PLA2R1: variants seen among roughly 807,000 people sequenced by gnomAD.
PLA2R1 encodes secretory phospholipase A2 receptor.
PLA2R1 carries 158 observed loss-of-function variants against 195.9 expected under a neutral mutation model. The ratio of observed to expected loss-of-function variants is 0.81; its 90% CI spans 0.71 to 0.92. PLA2R1 has a LOEUF of 0.92. PLA2R1 is among the 40% of genes least tolerant of loss of function. The probability of loss-of-function intolerance (pLI) is 0.00; values close to 1 mark genes in which losing one functional copy is unlikely to be tolerated. For synonymous variants in PLA2R1, 586 were observed against 598.2 expected (o/e 0.98, Z 0.30); for missense variants, 1,626 against 1,764.6 (o/e 0.92, Z 1.41).
At chr2:159,929,313 A>C (rs553213459), downstream of PLA2R1, among the ~76,000 whole-genome samples, 3 of 152,318 alleles carry the variant, frequency 2.0e-5, no homozygotes, top group Admixed American at 2.0e-4. Context: ...CAAGGAAAAA[A>C]CAATCCCACC....
At position 159,956,524 on chromosome 2, in the gene PLA2R1, C is replaced by T. The variant is rs545050830; in HGVS notation, c.3008G>A (p.Ser1003Asn). Residue 1003 changes from serine to asparagine, a missense_variant, in exon 21 of 30, where the codon AGT (serine) becomes AAT (asparagine). Ser to Asn is a conservative substitution (Grantham distance 46). Transcript: ENST00000283243. ...EEGGTLVAIE[S>N]EVEQAFITMN... ...GAGTACTCTACCTTGCTCCACCTCA[C>T]TTTCAATGGCGACCAGGGTCCCCCC... 3.0e-5 allele frequency: 49 copies of T among 1,606,980 alleles called. No homozygotes were observed. The Admixed American group carries it at 5.8e-4, about 19-fold the overall frequency.
chr2:160,022,711 T>A lies in PLA2R1; in HGVS notation c.1248A>T (p.Ile416=). The A allele has an allele frequency of 6.2e-7, 1 of 1,612,998 alleles. No homozygotes were observed. The highest frequency in any genetic ancestry group is 8.5e-7 in the Non-Finnish European group (1 of 1,179,434). ...CQADNSALID[I]TSLAEVEFLV... ...GAAACTCCACCTCTGCTAATGAGGT[T>A]ATGTCTATTAATGCACTGTTATCAG... The change falls in exon 7 of 30, where the codon ATA becomes ATT. Residue 416 remains isoleucine (I), a synonymous_variant. Coordinates refer to ENST00000283243, the MANE Select transcript of PLA2R1 (RefSeq NM_007366.5).
At chr2:159,955,136 C>A in intron 23 of PLA2R1, 63 bp downstream of exon 23, 1 of 1,319,276 alleles carries the variant, frequency 7.6e-7, no homozygotes, top group South Asian at 1.3e-5. Flanking sequence ...CTGTGTAAAA[C>A]CAACATGAAA....
chr2:159,925,956 C>G, the PLA2R1 span, among the ~76,000 whole-genome samples: 1 of 152,048 alleles, frequency 6.6e-6, no homozygotes, highest in Non-Finnish European at 1.5e-5. Context: ...TTTGATGTGA[C>G]CTTTTTGGTG....
At chr2:160,029,673 T>C (rs1693739564) in intron 4 of PLA2R1, among the ~76,000 whole-genome samples, 1 of 152,158 alleles carries the variant, frequency 6.6e-6, no homozygotes, top group Non-Finnish European at 1.5e-5. Context: ...AATTAAAGAA[T>C]TATGGGAATT....
intron 6 of PLA2R1, among the ~76,000 whole-genome samples, chr2:160,027,816 A>G (rs1693617696): frequency 6.6e-6 from 1 of 152,212 alleles, no homozygotes; most frequent in South Asian, 2.1e-4. Context: ...TAAGAGATTC[A>G]GAGTGTGGCA....
chr2:160,037,934 G>T (rs1232398055), intron 3 of PLA2R1, among the ~76,000 whole-genome samples: 1 of 152,166 alleles, frequency 6.6e-6, no homozygotes, highest in African/African-American at 2.4e-5. Flanking sequence ...ATCAGGGCAG[G>T]CACTATGACT....
At position 159,938,813 on chromosome 2, in the gene PLA2R1, C is replaced by G. The variant is rs983413280; in HGVS notation, c.*2965G>C. The G allele has an allele frequency of 6.6e-6, 1 of 152,118 alleles. No individual in the cohort carries two copies. Among genetic ancestry groups the G allele is most frequent in the South Asian group, 2.1e-4 (1 of 4,822 alleles). The allele number at this position is 152,118 out of a possible 1,614,324, so 9.4% of individuals were successfully genotyped here. On this transcript the variant is annotated 3_prime_UTR_variant, in exon 30 of 30. Transcript: ENST00000283243. The stretch of plus-strand genomic sequence containing the variant: ...AGTAAAGAAACTCCAAAAGACTGAA[C>G]GTTTAAGTAAACATTCAGTTCAATC...
chr2:160,036,941 T>C (rs1694202498), intron 3 of PLA2R1, among the ~76,000 whole-genome samples: 1 of 152,218 alleles, frequency 6.6e-6, no homozygotes, highest in African/African-American at 2.4e-5. Flanking sequence ...TGTTATACCA[T>C]TGTAGTGAGT....
intron 4 of PLA2R1, among the ~76,000 whole-genome samples, chr2:160,030,000 G>A (rs1693762164): frequency 6.6e-6 from 1 of 152,142 alleles, no homozygotes; most frequent in African/African-American, 2.4e-5. Context: ...CATTTTCCTG[G>A]AAAACTCATG....
At chr2:159,964,318 A>G (rs1688644214) in intron 20 of PLA2R1, among the ~76,000 whole-genome samples, 1 of 152,254 alleles carries the variant, frequency 6.6e-6, no homozygotes, top group South Asian at 2.1e-4. Context: ...TGATGGTTGT[A>G]TAACATTGTG....
At chr2:160,045,961 G>A (rs913292496) in intron 1 of PLA2R1, among the ~76,000 whole-genome samples, 1 of 152,212 alleles carries the variant, frequency 6.6e-6, no homozygotes, top group African/African-American at 2.4e-5. Flanking sequence ...CCCGGAGCTG[G>A]AAGAAGGGAT....
chr2:159,927,250 C>A (rs187954414), downstream of PLA2R1, among the ~76,000 whole-genome samples: 1,387 of 152,330 alleles, frequency 9.1e-3, 14 homozygotes, highest in Non-Finnish European at 0.013. Flanking sequence ...CCTTTTTCTA[C>A]TTTCCAGTTA....
chr2:159,958,610 T>A, intron 20 of PLA2R1, among the ~76,000 whole-genome samples: 1 of 152,138 alleles, frequency 6.6e-6, no homozygotes, highest in Non-Finnish European at 1.5e-5. Flanking sequence ...CTAGTAAACA[T>A]TTATTAAGCA....
At chr2:160,032,003 C>T (rs6723780) in intron 4 of PLA2R1, among the ~76,000 whole-genome samples, 79,037 of 152,110 alleles carry the variant, frequency 0.52, 21,917 homozygotes, top group Non-Finnish European at 0.63. Flanking sequence ...TTGGCCTCAA[C>T]TGATCCACCT....
At position 160,022,865 on chromosome 2, in the gene PLA2R1, T is replaced by A. The variant is rs769029504; in HGVS notation, c.1100-6A>T. 3.2e-6 allele frequency: 5 copies of A among 1,564,650 alleles called. No homozygotes were observed. The East Asian group carries it at 9.0e-5, about 28-fold the overall frequency. The stretch of plus-strand genomic sequence containing the variant: ...ATATTTCCACGCATCTTTTTCTTTT[T>A]AAACCAACAAAAAACAATGTCATTT... On this transcript the variant is annotated splice_region_variant and splice_polypyrimidine_tract_variant and intron_variant, in intron 6 of 29. Coordinates refer to ENST00000283243, the MANE Select transcript of PLA2R1 (RefSeq NM_007366.5).
Position 160,028,912 on chromosome 2 carries a change from T to C in PLA2R1, c.893A>G (p.Asp298Gly), listed in dbSNP as rs749819959. 3.1e-6 allele frequency: 5 copies of C among 1,612,344 alleles called. No individual in the cohort carries two copies. Among genetic ancestry groups the C allele is most frequent in the Non-Finnish European group, 4.2e-6 (5 of 1,178,322 alleles). Residue 298 changes from aspartate (D) to glycine (G), a missense_variant, in exon 5 of 30, where the codon GAT (aspartate) becomes GGT (glycine). Physicochemically the swap from Asp to Gly is moderately conservative, Grantham distance 94. Transcript: ENST00000283243. Reference sequence around the variant, plus strand: ...AGACCACTGCCAGCCAGCGTGTTCATCCAGCTGATTGAGGCCCATCCACAC... The same window carrying C: ...AGACCACTGCCAGCCAGCGTGTTCACCCAGCTGATTGAGGCCCATCCACAC... ...VEVWMGLNQL[D>G]EHAGWQWSDG...
At chr2:160,023,534 G>T (rs760112301) in intron 6 of PLA2R1, among the ~76,000 whole-genome samples, 2 of 152,124 alleles carry the variant, frequency 1.3e-5, no homozygotes, top group Non-Finnish European at 2.9e-5. Flanking sequence ...TGTATACCCC[G>T]TTCCCAGAAA....
chr2:159,949,014 A>T (rs538105128), intron 25 of PLA2R1, among the ~76,000 whole-genome samples: 1 of 152,332 alleles, frequency 6.6e-6, no homozygotes, highest in South Asian at 2.1e-4. Context: ...AGTGTAAATG[A>T]GATATTATGT....
Sources: gnomAD v4.1 joint callset for allele counts (sites outside exome capture counted in the v4.1 genomes callset) on GRCh38, gnomAD v4.1.1 for gene constraint, MANE v1.5 for transcripts, NCBI Gene and HGNC (gene_info 2026-07-23, HGNC 2026-07-21) for gene names.